Variants in IRS4 observed in about 807,000 individuals in gnomAD.
The protein encoded by IRS4 is insulin receptor substrate 4, also known as 160 kDa phosphotyrosine protein.
Under a neutral mutation model 48.6 loss-of-function variants are expected in IRS4, and 15 were observed. That is an observed-to-expected ratio of 0.31 (90% confidence interval 0.21 to 0.48). IRS4 has a LOEUF of 0.48. Ranked by LOEUF, IRS4 falls within the 20% of genes least tolerant of loss-of-function variation. The probability of loss-of-function intolerance (pLI) is 0.99; values close to 1 mark genes in which losing one functional copy is unlikely to be tolerated. For missense variants in IRS4, 987 were observed against 1,023.4 expected (o/e 0.96, Z 0.49); for synonymous variants, 459 against 413.2 (o/e 1.11, Z -1.34).
intron 1 of IRS4, among the ~76,000 whole-genome samples, chrX:108,725,460 C>CAAAAAAAAA (rs397968164): frequency 0.037 from 2,210 of 59,445 alleles, 107 homozygotes; most frequent in African/African-American, 0.14. Flanking sequence ...AGTAAAGCAC[C>CAAAAAAAAA]AAAAAAAAAA....
chrX:108,729,170 A>G (rs1001846756), intron 1 of IRS4, among the ~76,000 whole-genome samples: 2 of 111,686 alleles, frequency 1.8e-5, no homozygotes, highest in African/African-American at 6.5e-5. Flanking sequence ...TGGAATAAAA[A>G]CAATGTGCTC....
At position 108,734,490 on chromosome X, in the gene IRS4, A is replaced by G. The variant is rs1381634874; in HGVS notation, c.1855T>C (p.Leu619=). 2 of 1,209,037 alleles carry G rather than the reference A, an allele frequency of 1.7e-6. No homozygotes were observed. The highest frequency in any genetic ancestry group is 2.2e-6 in the Non-Finnish European group (2 of 894,978). The part of the protein sequence containing the change: ...SLKKRSYFGK[L]TQSKQQQMPP... ...ATTTGCTGTTGCTTGCTTTGAGTTA[A>G]TTTGCCAAAATAGGATCTTTTCTTC... is the stretch of plus-strand genomic sequence containing the variant. Residue 619 remains leucine, a synonymous_variant, in exon 1 of 2, where the codon TTA becomes CTA. Transcript: ENST00000372129.
chrX:108,735,304 G>C lies in IRS4; in HGVS notation c.1041C>G (p.Ile347Met), dbSNP rs777792093. 20 of 1,211,547 alleles carry C rather than the reference G, an allele frequency of 1.7e-5. No homozygotes were observed. In the South Asian group the frequency reaches 3.5e-4, roughly 21 times the overall value. The change falls in exon 1 of 2, where the codon ATC (isoleucine) becomes ATG (methionine). Residue 347 changes from isoleucine to methionine, a missense_variant. By Grantham distance (10) the Ile-to-Met change is conservative (BLOSUM62 1). Coordinates refer to ENST00000372129, the MANE Select transcript of IRS4 (RefSeq NM_001379150.1). ...ACAGCAGGGTTAACAGGTGGGCGCC[G>C]ATGCTGATGCTGTAGCTGCGGCAGC... ...RARCRSYSISIGAHLLTLLSA... is the reference protein window; with the variant it reads ...RARCRSYSISMGAHLLTLLSA...
chrX:108,735,092 C>T lies in IRS4; in HGVS notation c.1253G>A (p.Arg418Lys). Reference protein sequence around the residue: ...HSRRGRLHLPRGRRSRRAVSV... With the variant: ...HSRRGRLHLPKGRRSRRAVSV... ...AACCGCTCTCCTTGACCTGCGCCCT[C>T]TGGGCAGGTGCAGTCTTCCTCGCCT... is the stretch of plus-strand genomic sequence containing the variant. The change falls in exon 1 of 2, where the codon AGA (arginine) becomes AAA (lysine). Residue 418 changes from arginine to lysine, a missense_variant. Physicochemically the swap from Arg to Lys is conservative, Grantham distance 26 (BLOSUM62 2). This residue lies in a region of IRS4 where 720 missense variants were observed against 660.3 expected (regional missense o/e 1.09). Transcript: ENST00000372129. 1 of 1,211,960 alleles carries T rather than the reference C, an allele frequency of 8.3e-7. No homozygotes were observed. Among genetic ancestry groups the T allele is most frequent in the East Asian group, 3.0e-5 (1 of 33,828 alleles).
chrX:108,727,257 G>A (rs2068880968), intron 1 of IRS4, among the ~76,000 whole-genome samples: 1 of 111,976 alleles, frequency 8.9e-6, no homozygotes, highest in African/African-American at 3.2e-5. Flanking sequence ...GAAGTTGAAA[G>A]GTACCCTCTA....
chrX:108,736,448 C>T lies in IRS4; in HGVS notation c.-104G>A. The T allele has an allele frequency of 2.6e-6, 3 of 1,142,629 alleles. No individual in the cohort carries two copies. The highest frequency in any genetic ancestry group is 3.2e-5 in the East Asian group (1 of 30,791). The allele number at this position is 1,142,629 out of a possible 1,213,427, so 94.2% of individuals were successfully genotyped here. ...ACCCTCGTCTGCCCGCCCCAGCCCCCTCCTGCCTTGGCCCGCGCCCCCGCC... is the reference window on the plus strand; with the variant it reads ...ACCCTCGTCTGCCCGCCCCAGCCCCTTCCTGCCTTGGCCCGCGCCCCCGCC... On this transcript the variant is annotated 5_prime_UTR_variant, in exon 1 of 2. Transcript: ENST00000372129.
chrX:108,735,678 C>T lies in IRS4; in HGVS notation c.667G>A (p.Ala223Thr). The change falls in exon 1 of 2, where the codon GCA becomes ACA. Residue 223 changes from alanine to threonine, a missense_variant. By Grantham distance (58) the Ala-to-Thr change is moderately conservative. This residue lies in a region of IRS4 where 173 missense variants were observed against 208.9 expected (regional missense o/e 0.83). Coordinates refer to ENST00000372129, the MANE Select transcript of IRS4 (RefSeq NM_001379150.1). ...TAGAAGGGTGGCTCCGCCGCCGCTG[C>T]CGCCGCCAGCGCGGCCGGCTCTCCG... ...PDGEPAALAA[A>T]AAAEPPFYKD... 8.4e-7 allele frequency: 1 copy of T among 1,185,677 alleles called. No homozygotes were observed. Among genetic ancestry groups the T allele is most frequent in the Non-Finnish European group, 1.1e-6 (1 of 882,926 alleles).
chrX:108,736,285 C>T lies in IRS4; in HGVS notation c.60G>A (p.Ala20=), dbSNP rs2073115. 243,589 of 1,207,160 alleles carry T rather than the reference C, an allele frequency of 0.2. 23,411 individuals carry two copies. Among genetic ancestry groups the T allele is most frequent in the East Asian group, 0.64 (21,389 of 33,516 alleles). ...CTGCTGCTAGAGCTGCCGCTGCCGC[C>T]GCTGCTGCACCTCTTAGTCTTCTTG... The part of the protein sequence containing the change: ...QATRRLRGAA[A]AAAAALAAVV... The change falls in exon 1 of 2, where the codon GCG becomes GCA. Residue 20 remains alanine (A), a synonymous_variant. Transcript: ENST00000372129.
intron 1 of IRS4, chrX:108,723,430 A>G (rs1254789773): frequency 8.9e-6 from 1 of 112,025 alleles, no homozygotes; most frequent in African/African-American, 3.2e-5. Context: ...ATTATGGCTC[A>G]CTGCAGCCCC....
At chrX:108,726,098 A>T (rs2068873787) in intron 1 of IRS4, 1 of 112,785 alleles carries the variant, frequency 8.9e-6, no homozygotes, top group Admixed American at 9.4e-5. Flanking sequence ...ATTCTAATAT[A>T]GGCAGTTTCA....
intron 1 of IRS4, among the ~76,000 whole-genome samples, chrX:108,729,801 C>G (rs1263949108): frequency 8.9e-6 from 1 of 111,778 alleles, no homozygotes; most frequent in African/African-American, 3.2e-5. Context: ...AAATGGTAAT[C>G]TATAAACATG....
rs754329142 is a variant in IRS4, at chrX:108,732,707, G to T, written c.3638C>A (p.Pro1213Gln). 2 of 1,209,768 alleles carry T rather than the reference G, an allele frequency of 1.7e-6. No homozygotes were observed. The highest frequency in any genetic ancestry group is 4.4e-5 in the Admixed American group (2 of 45,849). ...AGGAAAAAAAPEPPPRSRRVP... is the reference protein window; with the variant it reads ...AGGAAAAAAAQEPPPRSRRVP... ...CCGGCGACTGCGAGGTGGTGGTTCC[G>T]GAGCGGCAGCTGCAGCGGCAGCCCC... Residue 1213 changes from proline to glutamine, a missense_variant, in exon 1 of 2, where the codon CCG (proline) becomes CAG (glutamine). Pro to Gln is a moderately conservative substitution (Grantham distance 76). Transcript: ENST00000372129.
At position 108,736,153 on chromosome X, in the gene IRS4, T is replaced by C; in HGVS notation, c.192A>G (p.Ser64=). The C allele has an allele frequency of 1.7e-6, 2 of 1,210,418 alleles. No individual in the cohort carries two copies. The highest frequency in any genetic ancestry group is 2.2e-6 in the Non-Finnish European group (2 of 895,150). The part of the protein sequence containing the change: ...MWLSTATGSR[S]DSESEEEDLP... ...GGTCCTCCTCTTCGGACTCGGAGTC[T>C]GACCGGGAGCCAGTGGCCGTGGAGA... Residue 64 remains serine, a synonymous_variant, in exon 1 of 2, where the codon TCA becomes TCG. Coordinates refer to ENST00000372129, the MANE Select transcript of IRS4 (RefSeq NM_001379150.1).
chrX:108,733,257 C>T lies in IRS4; in HGVS notation c.3088G>A (p.Ala1030Thr). 2 of 1,211,770 alleles carry T rather than the reference C, an allele frequency of 1.7e-6. No homozygotes were observed. Among genetic ancestry groups the T allele is most frequent in the South Asian group, 1.8e-5 (1 of 56,980 alleles). The change falls in exon 1 of 2, where the codon GCT becomes ACT. Residue 1030 changes from alanine (A) to threonine (T), a missense_variant. Physicochemically the swap from Ala to Thr is moderately conservative, Grantham distance 58. Coordinates refer to ENST00000372129, the MANE Select transcript of IRS4 (RefSeq NM_001379150.1). The part of the protein sequence containing the change: ...IFNSAMTPAM[A>T]LADSAIRYDA... ...TAGCGAATGGCACTGTCAGCAAGAGCCATGGCTGGTGTCATTGCTGAGTTG... is the reference window on the plus strand; with the variant it reads ...TAGCGAATGGCACTGTCAGCAAGAGTCATGGCTGGTGTCATTGCTGAGTTG...
At chrX:108,725,080 C>A (rs997891425) in intron 1 of IRS4, 2 of 111,081 alleles carry the variant, frequency 1.8e-5, no homozygotes, top group East Asian at 5.7e-4. Flanking sequence ...ATCTTTAATA[C>A]GCTAATAATG....
In IRS4 at chrX:108,734,988, C is replaced by T; in HGVS notation, c.1357G>A (p.Gly453Arg). The T allele has an allele frequency of 8.3e-7, 1 of 1,212,075 alleles. No individual in the cohort carries two copies. Among genetic ancestry groups the T allele is most frequent in the Non-Finnish European group, 1.1e-6 (1 of 895,619 alleles). ...PRHPAEAPNNGARLSSEVSGS... is the reference protein window; with the variant it reads ...PRHPAEAPNNRARLSSEVSGS... ...GACACTTCAGAAGACAGGCGAGCTC[C>T]ATTGTTCGGGGCTTCTGCAGGGTGC... The change falls in exon 1 of 2, where the codon GGA becomes AGA. Residue 453 changes from glycine (G) to arginine (R), a missense_variant. By Grantham distance (125) the Gly-to-Arg change is moderately radical. Transcript: ENST00000372129.
chrX:108,735,778 G>A lies in IRS4; in HGVS notation c.567C>T (p.Ser189=). ...MVAENESEQE[S]WYLLLSRLIL... ...TGAGGCGGCTGAGCAGCAAGTACCA[G>A]CTTTCCTGCTCCGACTCGTTCTCGG... The change falls in exon 1 of 2, where the codon AGC becomes AGT. Residue 189 remains serine (S), a synonymous_variant. Coordinates refer to ENST00000372129, the MANE Select transcript of IRS4 (RefSeq NM_001379150.1). 2 of 1,208,316 alleles carry A rather than the reference G, an allele frequency of 1.7e-6. No homozygotes were observed. The highest frequency in any genetic ancestry group is 2.2e-6 in the Non-Finnish European group (2 of 894,102).
Position 108,733,675 on chromosome X carries a change from G to A in IRS4, c.2670C>T (p.Asn890=). Reference sequence around the variant, plus strand: ...ATCCTTTTGTAATAAAAGAAAGTCGGTTAGGTCTCTTAGCTTTATTCTTTG... The same window carrying A: ...ATCCTTTTGTAATAAAAGAAAGTCGATTAGGTCTCTTAGCTTTATTCTTTG... ...EPPKNKAKRP[N]RLSFITKGYK... The change falls in exon 1 of 2, where the codon AAC becomes AAT. Residue 890 remains asparagine, a synonymous_variant. Coordinates refer to ENST00000372129, the MANE Select transcript of IRS4 (RefSeq NM_001379150.1). 8.3e-7 allele frequency: 1 copy of A among 1,211,771 alleles called. No individual in the cohort carries two copies. The highest frequency in any genetic ancestry group is 1.1e-6 in the Non-Finnish European group (1 of 895,510).
chrX:108,733,535 G>A lies in IRS4; in HGVS notation c.2810C>T (p.Ser937Phe). 2 of 1,212,067 alleles carry A rather than the reference G, an allele frequency of 1.7e-6. No homozygotes were observed. Among genetic ancestry groups the A allele is most frequent in the Non-Finnish European group, 2.2e-6 (2 of 895,450 alleles). The stretch of plus-strand genomic sequence containing the variant: ...CCACGAATCTGGTAGTCCTTGAGTA[G>A]AGGGAGCTGGTGTATTGCTCTCTCT... The part of the protein sequence containing the change: ...TKRESNTPAP[S>F]TQGLPDSWGI... The change falls in exon 1 of 2, where the codon TCT (serine) becomes TTT (phenylalanine). Residue 937 changes from serine (S) to phenylalanine (F), a missense_variant. Ser to Phe is a radical substitution (Grantham distance 155). Coordinates refer to ENST00000372129, the MANE Select transcript of IRS4 (RefSeq NM_001379150.1).
Sources: allele counts gnomAD v4.1 joint callset (sites outside exome capture counted in the v4.1 genomes callset), GRCh38; gene constraint gnomAD v4.1.1; regional missense constraint gnomAD v4.1.1; transcripts MANE v1.5; gene names NCBI Gene and HGNC (gene_info 2026-07-23, HGNC 2026-07-21).